Variants in RPH3AL observed in about 807,000 individuals in gnomAD.
RPH3AL encodes the protein rab effector Noc2.
A neutral mutation model predicts 43.1 loss-of-function variants in RPH3AL; 38 were observed. That is an observed-to-expected ratio of 0.88 (90% confidence interval 0.68 to 1.15). RPH3AL has a LOEUF of 1.15. Ranked by LOEUF, RPH3AL falls within the 50% of genes most tolerant of loss-of-function variation. RPH3AL has a pLI of 0.00. For synonymous variants in RPH3AL, 189 were observed against 176.3 expected (o/e 1.07, Z -0.57); for missense variants, 462 against 423.2 (o/e 1.09, Z -0.81).
At chr17:237,022 A>T (rs1377442683) in intron 7 of RPH3AL, among the ~76,000 whole-genome samples, 3 of 152,140 alleles carry the variant, frequency 2.0e-5, no homozygotes, top group African/African-American at 4.8e-5. Flanking sequence ...CAGCTGGGTT[A>T]GCGGCCATGA....
At chr17:220,331 G>T (rs1555530629) in intron 7 of RPH3AL, among the ~76,000 whole-genome samples, 1 of 151,198 alleles carries the variant, frequency 6.6e-6, no homozygotes, top group Non-Finnish European at 1.5e-5. Flanking sequence ...CAGCTCTGAG[G>T]CCTCCACTCA....
chr17:260,885 CGTT>C (rs2042182250), intron 6 of RPH3AL, among the ~76,000 whole-genome samples: 1 of 152,182 alleles, frequency 6.6e-6, no homozygotes, highest in Admixed American at 6.5e-5. Context: ...CTTTTGGACA[CGTT>C]GTTCCTTCTC....
At chr17:229,587 C>T (rs555807323) in intron 7 of RPH3AL, among the ~76,000 whole-genome samples, 85 of 152,360 alleles carry the variant, frequency 5.6e-4, no homozygotes, top group Non-Finnish European at 9.3e-4. Context: ...CCAGGCCCCT[C>T]TCCCAGCCTC....
rs1363981426 is a variant in RPH3AL at position 264,885 on chromosome 17, A to C, written c.438+16883T>G. On this transcript the variant is annotated intron_variant, in intron 6 of 9. Coordinates refer to ENST00000331302, the MANE Select transcript of RPH3AL (RefSeq NM_006987.4). The surrounding 1 kb of genome is among the most constrained non-coding windows in gnomAD (Gnocchi z 4.8). ...AATTCACAGTGGTCAATGCAAGACAAAACTCAGTCTAAATTACTAATGTAC... is the reference window on the plus strand; with the variant it reads ...AATTCACAGTGGTCAATGCAAGACACAACTCAGTCTAAATTACTAATGTAC... Among the ~76,000 whole-genome samples, 4 of 152,224 alleles carry C rather than the reference A, an allele frequency of 2.6e-5. No individual in the cohort carries two copies. The highest frequency in any genetic ancestry group is 5.9e-5 in the Non-Finnish European group (4 of 68,050).
At chr17:350,951 A>C (rs57677046) in intron 1 of RPH3AL, among the ~76,000 whole-genome samples, 2,186 of 152,286 alleles carry the variant, frequency 0.014, 103 homozygotes, top group East Asian at 0.14. Context: ...ACATTCCATG[A>C]TAGGCCAGGA....
intron 7 of RPH3AL, among the ~76,000 whole-genome samples, chr17:238,399 G>A (rs2041452651): frequency 6.6e-6 from 1 of 151,940 alleles, no homozygotes; most frequent in Non-Finnish European, 1.5e-5. Context: ...CGGTGCCTGC[G>A]GGTCACAGCT....
intron 6 of RPH3AL, among the ~76,000 whole-genome samples, chr17:273,078 G>A (rs62052698): frequency 3.0e-3 from 344 of 114,388 alleles, no homozygotes; most frequent in African/African-American, 9.2e-3. Context: ...CGACGTCAGG[G>A]AGAGACCCCA....
chr17:320,826 T>C (rs1398825149), intron 4 of RPH3AL, among the ~76,000 whole-genome samples: 1 of 152,250 alleles, frequency 6.6e-6, no homozygotes, highest in Non-Finnish European at 1.5e-5. Flanking sequence ...AAGACTGAGC[T>C]GTGGTCGGCG....
At chr17:303,011 C>T (rs1219083592) in intron 5 of RPH3AL, among the ~76,000 whole-genome samples, 3 of 152,168 alleles carry the variant, frequency 2.0e-5, no homozygotes, top group African/African-American at 7.2e-5. Context: ...TATGTCATGT[C>T]TATGAGGCAT....
rs1257147530 is a variant in RPH3AL at position 274,661 on chromosome 17, G to T, written c.438+7107C>A. Among the ~76,000 whole-genome samples, 1 of 152,194 alleles carries T rather than the reference G, an allele frequency of 6.6e-6. No individual in the cohort carries two copies. Among genetic ancestry groups the T allele is most frequent in the Non-Finnish European group, 1.5e-5 (1 of 68,028 alleles). The stretch of plus-strand genomic sequence containing the variant: ...GCCAGGTCGCAGGAGAGTCAAAGGT[G>T]CCTCCTGCATGGGGCAGGGTCACAG... On this transcript the variant is annotated intron_variant, in intron 6 of 9. Coordinates refer to ENST00000331302, the MANE Select transcript of RPH3AL (RefSeq NM_006987.4). The surrounding 1 kb of genome is among the most constrained non-coding windows in gnomAD (Gnocchi z 4.7).
chr17:319,475 C>T lies in RPH3AL; in HGVS notation c.296G>A (p.Gly99Glu), dbSNP rs753801034. 1.2e-6 allele frequency: 2 copies of T among 1,612,712 alleles called. No homozygotes were observed. Among genetic ancestry groups the T allele is most frequent in the East Asian group, 4.5e-5 (2 of 44,860 alleles). The change falls in exon 5 of 10, where the codon GGG becomes GAG. Residue 99 changes from glycine to glutamate, a missense_variant. By Grantham distance (98) the Gly-to-Glu change is moderately conservative. Coordinates refer to ENST00000331302, the MANE Select transcript of RPH3AL (RefSeq NM_006987.4). ...GCTGCCCAGGAAGCCCAGCACCTCC[C>T]CGCAGAGCAGACACTGGGACAGGCC... ...GNGLSQCLLC[G>E]EVLGFLGSSS...
At chr17:285,449 A>G (rs993646478) in intron 5 of RPH3AL, among the ~76,000 whole-genome samples, 2 of 152,190 alleles carry the variant, frequency 1.3e-5, no homozygotes, top group African/African-American at 4.8e-5. Flanking sequence ...ACCAGCACGT[A>G]ATAGCGACTC....
intron 3 of RPH3AL, among the ~76,000 whole-genome samples, chr17:326,020 A>T (rs969932977): frequency 3.3e-5 from 5 of 152,204 alleles, no homozygotes; most frequent in Admixed American, 6.5e-5. Flanking sequence ...GGTCAGGGAG[A>T]GCTGAAGGGA....
At chr17:305,161 C>T (rs931677899) in intron 5 of RPH3AL, among the ~76,000 whole-genome samples, 2 of 146,162 alleles carry the variant, frequency 1.4e-5, no homozygotes, top group Non-Finnish European at 3.0e-5. Context: ...GGGTGGGCTC[C>T]GGGGCGTCTG....
rs1287979331 is a variant in RPH3AL, at chr17:258,755, CCGT to C, written c.439-11473_439-11471del. ...ACTCAGCCATTTTGGGATAGTCAAC[CCGT>C]TTTTTTTTTTTTTTTTTTTTGAGAC... On this transcript the variant is annotated intron_variant, in intron 6 of 9. Transcript: ENST00000331302. 3.5e-4 allele frequency among the ~76,000 whole-genome samples: 44 copies of C among 127,440 alleles called. 2 individuals are homozygous for C. The highest frequency in any genetic ancestry group is 4.8e-4 in the Non-Finnish European group (29 of 60,312). The allele number at this position is 127,440 out of a possible 152,430, so 83.6% of individuals were successfully genotyped here.
At chr17:284,699 C>T (rs968715929) in intron 5 of RPH3AL, among the ~76,000 whole-genome samples, 19 of 152,222 alleles carry the variant, frequency 1.2e-4, no homozygotes, top group African/African-American at 4.3e-4. Context: ...CCGCCTTCCC[C>T]TATGCACACA....
chr17:244,097 T>A (rs2041677294), intron 7 of RPH3AL, among the ~76,000 whole-genome samples: 1 of 150,244 alleles, frequency 6.7e-6, no homozygotes, highest in Non-Finnish European at 1.5e-5. Context: ...ATCACCTTTC[T>A]CTATTGATTA....
Position 230,841 on chromosome 17 carries a change from T to TG in RPH3AL, c.614-11106_614-11105insC, listed in dbSNP as rs773449945. Among the ~76,000 whole-genome samples, 79 of 151,602 alleles carry TG rather than the reference T, an allele frequency of 5.2e-4. No homozygotes were observed. In the South Asian group the frequency reaches 0.012, roughly 23 times the overall value. ...CTCATCTCTTTGTGCCTCCCTTGTT[T>TG]TTTGTTGTTGTTGTTGTTGTTTTTC... is the stretch of plus-strand genomic sequence containing the variant. On this transcript the variant is annotated intron_variant, in intron 7 of 9. Coordinates refer to ENST00000331302, the MANE Select transcript of RPH3AL (RefSeq NM_006987.4).
In RPH3AL at chr17:213,506, G is replaced by A. The variant is rs770116222; in HGVS notation, c.*346C>T. The A allele has an allele frequency of 2.7e-5, 11 of 401,360 alleles. No homozygotes were observed. Among genetic ancestry groups the A allele is most frequent in the Admixed American group, 4.1e-5 (1 of 24,388 alleles). 24.9% of individuals were successfully genotyped at this position (401,360 alleles called of 1,614,324 possible). A position where few individuals can be genotyped will look rare whatever the true frequency, so the allele number is the denominator to read the frequency against. ...ATATAGCAACGGAGATAGCCCCACCGGGCGGCCCCTCTGACACTGCATGTG... is the reference window on the plus strand; with the variant it reads ...ATATAGCAACGGAGATAGCCCCACCAGGCGGCCCCTCTGACACTGCATGTG... On this transcript the variant is annotated 3_prime_UTR_variant, in exon 10 of 10. Coordinates refer to ENST00000331302, the MANE Select transcript of RPH3AL (RefSeq NM_006987.4).
Sources: allele counts gnomAD v4.1 joint callset (sites outside exome capture counted in the v4.1 genomes callset), GRCh38; gene constraint gnomAD v4.1.1; non-coding constraint Gnocchi (gnomAD v3.1); transcripts MANE v1.5; gene names NCBI Gene and HGNC (gene_info 2026-07-23, HGNC 2026-07-21).